The following UNC5D variants were observed in gnomAD, a reference collection of about 807,000 sequenced individuals.
UNC5D encodes unc-5 netrin receptor D, also known as netrin receptor UNC5D.
A neutral mutation model predicts 105.4 loss-of-function variants in UNC5D; 39 were observed. The ratio of observed to expected loss-of-function variants is 0.37; its 90% CI spans 0.29 to 0.48. The LOEUF (loss-of-function observed/expected upper bound fraction) is 0.48. Among genes scored for constraint, UNC5D ranks in the 20% least tolerant of loss-of-function variants. The pLI, the probability that UNC5D is intolerant of heterozygous loss-of-function variation, is 0.98. For synonymous variants in UNC5D, 452 were observed against 450.4 expected, an observed-to-expected ratio of 1.00 and a Z score of -0.04; for missense variants, 991 against 1,202.4, an observed-to-expected ratio of 0.82 and a Z score of 2.60.
chr8:35,482,400 C>T (rs1026272324), intron 1 of UNC5D, among the ~76,000 whole-genome samples: 1 of 152,184 alleles, frequency 6.6e-6, no homozygotes, highest in Non-Finnish European at 1.5e-5. Context: ...GTCTCCGAAG[C>T]CTACGTGCTG....
intron 1 of UNC5D, among the ~76,000 whole-genome samples, chr8:35,252,475 A>G (rs1475116409): frequency 6.6e-6 from 1 of 152,136 alleles, no homozygotes; most frequent in Non-Finnish European, 1.5e-5. Flanking sequence ...AACATAGGTT[A>G]CTTTTGCTTC....
intron 1 of UNC5D, among the ~76,000 whole-genome samples, chr8:35,260,228 G>A (rs1354911023): frequency 6.6e-6 from 1 of 152,070 alleles, no homozygotes; most frequent in Non-Finnish European, 1.5e-5. Context: ...CCACCAGCCA[G>A]CCCCATTACC....
At chr8:35,778,135 G>C (rs1007352195) in intron 16 of UNC5D, among the ~76,000 whole-genome samples, 1 of 152,190 alleles carries the variant, frequency 6.6e-6, no homozygotes, top group Non-Finnish European at 1.5e-5. Context: ...CGGTATGTCT[G>C]AATAAGGATG....
At chr8:35,506,240 T>G (rs2130297675) in intron 1 of UNC5D, among the ~76,000 whole-genome samples, 1 of 152,318 alleles carries the variant, frequency 6.6e-6, no homozygotes, top group East Asian at 1.9e-4. Flanking sequence ...CTGCGGTAGC[T>G]TCTGCCATCA....
chr8:35,452,145 G>A (rs1001701387), intron 1 of UNC5D, among the ~76,000 whole-genome samples: 1 of 152,144 alleles, frequency 6.6e-6, no homozygotes, highest in Non-Finnish European at 1.5e-5. Context: ...TGATGAATTA[G>A]TATATGAATC....
intron 1 of UNC5D, among the ~76,000 whole-genome samples, chr8:35,547,265 T>C (rs1815757285): frequency 6.6e-6 from 1 of 151,010 alleles, no homozygotes; most frequent in Non-Finnish European, 1.5e-5. Flanking sequence ...CCTCCTGTAG[T>C]TCCTCAACAG....
At chr8:35,694,780 A>G (rs1826642201) in intron 7 of UNC5D, among the ~76,000 whole-genome samples, 1 of 152,000 alleles carries the variant, frequency 6.6e-6, no homozygotes, top group Non-Finnish European at 1.5e-5. Flanking sequence ...CAGTGGCACA[A>G]TCATAGCTTA....
chr8:35,314,052 G>A (rs35869843), intron 1 of UNC5D, among the ~76,000 whole-genome samples: 1 of 152,090 alleles, frequency 6.6e-6, no homozygotes, highest in South Asian at 2.1e-4. Flanking sequence ...GAAAATAATA[G>A]ATTGTTACAA....
rs1454065008 is a variant in UNC5D at position 35,703,644 on chromosome 8, A to C, written c.1085-2285A>C. Among the ~76,000 whole-genome samples, 3 of 152,182 alleles carry C rather than the reference A, an allele frequency of 2.0e-5. No individual in the cohort carries two copies. In the East Asian group the frequency reaches 5.8e-4, roughly 29 times the overall value. ...AATTTTTTCATAGCCTGGCTGTATT[A>C]GATTTATTTTTCTGTGGCATAGTTA... On this transcript the variant is annotated intron_variant, in intron 7 of 16. Transcript: ENST00000404895.
Position 35,759,476 on chromosome 8 carries a change from G to A in UNC5D, c.2313+7G>A. On this transcript the variant is annotated splice_region_variant and intron_variant, in intron 14 of 16. Transcript: ENST00000404895. ...ACCATTCACTGCCTGCCAGGTACTG[G>A]CCAAATGGGTTTCTAACAGAAACGG... The A allele has an allele frequency of 6.2e-7, 1 of 1,606,704 alleles. No homozygotes were observed. The highest frequency in any genetic ancestry group is 1.3e-5 in the African/African-American group (1 of 74,486).
intron 4 of UNC5D, among the ~76,000 whole-genome samples, chr8:35,654,632 T>C (rs1823624013): frequency 6.6e-6 from 1 of 152,196 alleles, no homozygotes. Context: ...GGTTTTTTTT[T>C]CTTTTTTTCA....
intron 2 of UNC5D, among the ~76,000 whole-genome samples, chr8:35,567,189 C>T (rs1212093649): frequency 6.6e-6 from 1 of 152,102 alleles, no homozygotes; most frequent in Non-Finnish European, 1.5e-5. Context: ...CTCCTCATAC[C>T]ATTGCTATGG....
intron 3 of UNC5D, among the ~76,000 whole-genome samples, chr8:35,585,710 G>T (rs560124003): frequency 6.6e-6 from 1 of 151,824 alleles, no homozygotes; most frequent in African/African-American, 2.4e-5. Context: ...GATCTTTGTT[G>T]CTTCCTTCTT....
Position 35,683,607 on chromosome 8 carries a change from A to G in UNC5D, c.631A>G (p.Arg211Gly). 6.3e-7 allele frequency: 1 copy of G among 1,580,742 alleles called. No individual in the cohort carries two copies. The highest frequency in any genetic ancestry group is 1.2e-5 in the South Asian group (1 of 85,096). The change falls in exon 5 of 17, where the codon AGG becomes GGG. Residue 211 changes from arginine (R) to glycine (G), a missense_variant. Arg to Gly is a moderately radical substitution (Grantham distance 125). Around this residue, in one of 3 missense-constraint regions of UNC5D, gnomAD observed 944 missense variants for 1,131.6 expected, o/e 0.83. Coordinates refer to ENST00000404895, the MANE Select transcript of UNC5D (RefSeq NM_080872.4). Reference protein sequence around the residue: ...DSEQDENIDTRADHNLIIRQA... With the variant: ...DSEQDENIDTGADHNLIIRQA... ...TGAACAAGACGAGAACATTGACACC[A>G]GGGCTGACCATAACCTGATCATCAG...
At chr8:35,464,570 T>C (rs1292618079) in intron 1 of UNC5D, among the ~76,000 whole-genome samples, 1 of 152,216 alleles carries the variant, frequency 6.6e-6, no homozygotes, top group Non-Finnish European at 1.5e-5. Context: ...TTTTTCTTTT[T>C]TCTTTCCTTA....
At chr8:35,416,727 C>T (rs1479660533) in intron 1 of UNC5D, among the ~76,000 whole-genome samples, 1 of 152,074 alleles carries the variant, frequency 6.6e-6, no homozygotes, top group Non-Finnish European at 1.5e-5. Flanking sequence ...ATGTCCATGG[C>T]CTTGGTTTAC....
At chr8:35,290,304 A>G (rs931187624) in intron 1 of UNC5D, among the ~76,000 whole-genome samples, 1 of 152,090 alleles carries the variant, frequency 6.6e-6, no homozygotes, top group Non-Finnish European at 1.5e-5. Context: ...ATAATAAACT[A>G]CTCTTAGACC....
At chr8:35,270,228 G>A (rs1384073546) in intron 1 of UNC5D, among the ~76,000 whole-genome samples, 1 of 152,080 alleles carries the variant, frequency 6.6e-6, no homozygotes, top group East Asian at 1.9e-4. Context: ...TCACCTAGTG[G>A]ATGCTTGAGT....
In UNC5D at chr8:35,774,421, C is replaced by G. The variant is rs143513370; in HGVS notation, c.2601C>G (p.Thr867=). The part of the protein sequence containing the change: ...IRQRICATFD[T]PNAKGKDWQM... ...AGCGGATTTGTGCTACATTTGATAC[C>G]CCCAATGCCAAAGGCAAGGACTGGC... Residue 867 remains threonine, a synonymous_variant, in exon 16 of 17, where the codon ACC becomes ACG. Transcript: ENST00000404895. 8 of 1,613,962 alleles carry G rather than the reference C, an allele frequency of 5.0e-6. No individual in the cohort carries two copies. The African/African-American group carries it at 9.3e-5, about 19-fold the overall frequency.
Sources: allele counts gnomAD v4.1 joint callset (sites outside exome capture counted in the v4.1 genomes callset), GRCh38; gene constraint gnomAD v4.1.1; regional missense constraint gnomAD v4.1.1; transcripts MANE v1.5; gene names NCBI Gene and HGNC (gene_info 2026-07-23, HGNC 2026-07-21).